The following CLDN2 variants were observed in gnomAD, a reference collection of about 807,000 sequenced individuals.
The protein encoded by CLDN2 is claudin-2.
A neutral mutation model predicts 8.2 loss-of-function variants in CLDN2; 1 was observed. The observed-to-expected ratio is 0.12, with a 90% CI of 0.04 to 0.58. The LOEUF is 0.58. Among genes scored for constraint, CLDN2 ranks in the 20% least tolerant of loss-of-function variants. CLDN2 has a pLI of 0.90. For missense variants in CLDN2, 108 were observed against 172.9 expected (o/e 0.62, Z 2.11); for synonymous variants, 70 against 70.2 (o/e 1.00, Z 0.01).
At chrX:106,910,403 C>T (rs1190053974) in intron 1 of CLDN2, among the ~76,000 whole-genome samples, 2 of 110,955 alleles carry the variant, frequency 1.8e-5, no homozygotes, top group Non-Finnish European at 3.8e-5. Flanking sequence ...TTATTGCTGC[C>T]ATTTAAAGGT....
At position 106,930,557 on chromosome X, in the gene CLDN2, T is replaced by C. The variant is rs956455777; in HGVS notation, c.*1636T>C. The C allele has an allele frequency of 1.6e-5, 2 of 122,551 alleles. No homozygotes were observed. Among genetic ancestry groups the C allele is most frequent in the African/African-American group, 6.5e-5 (2 of 30,556 alleles). 10.1% of individuals were successfully genotyped at this position (122,551 alleles called of 1,213,427 possible). A position where few individuals can be genotyped will look rare whatever the true frequency, so the allele number is the denominator to read the frequency against. On this transcript the variant is annotated 3_prime_UTR_variant, in exon 2 of 2. Coordinates refer to ENST00000336803, the MANE Select transcript of CLDN2 (RefSeq NM_020384.4). ...CCCAACCTGGAAGGCCGTCTCCCCT[T>C]AGCCAAGTCCTCCTCAGGCTTGGAG...
intron 1 of CLDN2, among the ~76,000 whole-genome samples, chrX:106,905,012 CTGATATTATT>C (rs1447541100): frequency 9.0e-6 from 1 of 111,186 alleles, no homozygotes; most frequent in Non-Finnish European, 1.9e-5. Context: ...CCACAATGAA[CTGATATTATT>C]TGAGTAATAA....
chrX:106,902,561 G>A (rs1933119236), intron 1 of CLDN2, among the ~76,000 whole-genome samples: 1 of 111,643 alleles, frequency 9.0e-6, no homozygotes, highest in Non-Finnish European at 1.9e-5. Context: ...TTGGAGTAAT[G>A]AGTGGGGGCT....
chrX:106,902,218 G>A (rs1014783530), intron 1 of CLDN2: 1 of 1,164,803 alleles, frequency 8.6e-7, no homozygotes, highest in Non-Finnish European at 1.2e-6. Context: ...AAGTTCCTCT[G>A]GGACAAAGAG....
At position 106,929,244 on chromosome X, in the gene CLDN2, A is replaced by G. The variant is rs1933512824; in HGVS notation, c.*323A>G. The G allele has an allele frequency of 1.7e-5, 5 of 288,446 alleles. No individual in the cohort carries two copies. The highest frequency in any genetic ancestry group is 3.2e-5 in the Non-Finnish European group (5 of 157,886). 23.8% of individuals were successfully genotyped at this position (288,446 alleles called of 1,213,427 possible). On this transcript the variant is annotated 3_prime_UTR_variant, in exon 2 of 2. Coordinates refer to ENST00000336803, the MANE Select transcript of CLDN2 (RefSeq NM_020384.4). The stretch of plus-strand genomic sequence containing the variant: ...AGAGGATCCCTTTGCCCTCTGGTTT[A>G]CCTGGGACTCCATCCCCAAACCCAC...
chrX:106,903,385 C>A, intron 1 of CLDN2: 2 of 886,405 alleles, frequency 2.3e-6, no homozygotes, highest in South Asian at 3.2e-5. Flanking sequence ...CCTGCCTGGT[C>A]TTATAAATTA....
At chrX:106,927,215 T>C (rs895147146) in intron 1 of CLDN2, among the ~76,000 whole-genome samples, 1 of 111,452 alleles carries the variant, frequency 9.0e-6, no homozygotes, top group African/African-American at 3.3e-5. Context: ...TATATGGCTC[T>C]GAGATTCCAA....
At chrX:106,915,514 A>G (rs1286504138), upstream of CLDN2, among the ~76,000 whole-genome samples, 1 of 112,700 alleles carries the variant, frequency 8.9e-6, no homozygotes, top group Non-Finnish European at 1.9e-5. Flanking sequence ...CCAACTATTC[A>G]AAGAATAAGT....
upstream of CLDN2, among the ~76,000 whole-genome samples, chrX:106,918,182 C>T (rs916680985): frequency 2.2e-4 from 25 of 112,520 alleles, no homozygotes; most frequent in Middle Eastern, 4.2e-3. Flanking sequence ...TTCTACTTGT[C>T]AAAATGCATT....
intron 1 of CLDN2, among the ~76,000 whole-genome samples, chrX:106,907,865 A>G (rs1933201059): frequency 1.8e-5 from 2 of 111,489 alleles, no homozygotes; most frequent in Admixed American, 9.5e-5. Flanking sequence ...TACTCTGGCA[A>G]AATAAAACAT....
At chrX:106,903,628 G>A (rs1399471084) in intron 1 of CLDN2, among the ~76,000 whole-genome samples, 2 of 112,147 alleles carry the variant, frequency 1.8e-5, no homozygotes, top group Non-Finnish European at 3.8e-5. Flanking sequence ...CCTGAGAGGG[G>A]AAGGAGAGGA....
rs753631553 is a variant in CLDN2, at chrX:106,904,969, T to C, written c.-179+4465T>C. 2.7e-3 allele frequency among the ~76,000 whole-genome samples: 306 copies of C among 112,208 alleles called. 1 individual carries two copies. Among genetic ancestry groups the C allele is most frequent in the African/African-American group, 9.5e-3 (293 of 30,877 alleles). ...TGGGAGTAACAGTGGGGTGGATTTT[T>C]ACTTTATGTTTTTCTGAATTTTCTA... On this transcript the variant is annotated intron_variant, in intron 1 of 1. Coordinates refer to the CLDN2 transcript ENST00000541806.
intron 1 of CLDN2, among the ~76,000 whole-genome samples, chrX:106,903,945 A>G (rs917301872): frequency 8.9e-6 from 1 of 112,246 alleles, no homozygotes; most frequent in Admixed American, 9.4e-5. Flanking sequence ...TGATCAGTTC[A>G]TTTGTCAAAG....
At chrX:106,915,321 G>C (rs1477883009), upstream of CLDN2, among the ~76,000 whole-genome samples, 1 of 112,082 alleles carries the variant, frequency 8.9e-6, no homozygotes, top group Non-Finnish European at 1.9e-5. Flanking sequence ...AAAATGTTGA[G>C]ACCCATTGAC....
chrX:106,908,911 A>C (rs957397041), intron 1 of CLDN2, among the ~76,000 whole-genome samples: 1 of 112,076 alleles, frequency 8.9e-6, no homozygotes, highest in Non-Finnish European at 1.9e-5. Context: ...AGATTAGCGC[A>C]GATGTTATTC....
chrX:106,901,433 T>C (rs756290638), intron 1 of CLDN2: 3 of 1,144,641 alleles, frequency 2.6e-6, no homozygotes, highest in Non-Finnish European at 2.4e-6. Context: ...AAAGAGCTAA[T>C]GGATCTATGT....
At chrX:106,902,225 A>T in intron 1 of CLDN2, 1 of 1,157,378 alleles carries the variant, frequency 8.6e-7, no homozygotes, top group Non-Finnish European at 1.2e-6. Flanking sequence ...TCTGGGACAA[A>T]GAGGAGAGAT....
rs1449930218 is a variant in CLDN2, at chrX:106,920,432, G to C, written c.-298G>C. 9.1e-6 allele frequency: 1 copy of C among 110,012 alleles called. No homozygotes were observed. The highest frequency in any genetic ancestry group is 1.9e-5 in the Non-Finnish European group (1 of 52,747). The allele number at this position is 110,012 out of a possible 1,213,427, so 9.1% of individuals were successfully genotyped here. A position where few individuals can be genotyped will look rare whatever the true frequency, so the allele number is the denominator to read the frequency against. On this transcript the variant is annotated 5_prime_UTR_variant, in exon 1 of 2. Transcript: ENST00000336803. The stretch of plus-strand genomic sequence containing the variant: ...TGGATTTTGCAAAGCTGTGGTTAAC[G>C]ATTAGAAATCCTTTATCACCTCAGC...
At chrX:106,903,470 G>T in intron 1 of CLDN2, 1 of 391,940 alleles carries the variant, frequency 2.6e-6, no homozygotes, top group Non-Finnish European at 4.3e-6. Flanking sequence ...AGGGAAAGCT[G>T]GGTTACCTGG....
Sources: gnomAD v4.1 joint callset for allele counts (sites outside exome capture counted in the v4.1 genomes callset) on GRCh38, gnomAD v4.1.1 for gene constraint, MANE v1.5 for transcripts, NCBI Gene and HGNC (gene_info 2026-07-23, HGNC 2026-07-21) for gene names.